Variants in PTPN6 observed in about 807,000 individuals in gnomAD.
PTPN6 encodes tyrosine-protein phosphatase non-receptor type 6.
Under a neutral mutation model 81.5 loss-of-function variants are expected in PTPN6, and 18 were observed. The observed-to-expected ratio is 0.22, with a 90% confidence interval of 0.15 to 0.33. PTPN6 has a LOEUF of 0.33. PTPN6 is among the 10% of genes least tolerant of loss of function. The pLI, the probability that PTPN6 is intolerant of heterozygous loss-of-function variation, is 1.00. For missense variants in PTPN6, 500 were observed against 794.2 expected (o/e 0.63, Z 4.45); for synonymous variants, 301 against 310.9 (o/e 0.97, Z 0.33).
At position 6,956,465 on chromosome 12, in the gene PTPN6, G is replaced by C; in HGVS notation, c.971G>C (p.Ser324Thr). 1 of 1,614,136 alleles carries C rather than the reference G, an allele frequency of 6.2e-7. No individual in the cohort carries two copies. Among genetic ancestry groups the C allele is most frequent in the Non-Finnish European group, 8.5e-7 (1 of 1,180,044 alleles). Residue 324 changes from serine (S) to threonine (T), a missense_variant, in exon 9 of 16, where the codon AGC becomes ACC. Physicochemically the swap from Ser to Thr is moderately conservative, Grantham distance 58 (BLOSUM62 1). This residue lies in a region of PTPN6 where 226 missense variants were observed against 364.4 expected (regional missense o/e 0.62). Transcript: ENST00000318974. The surrounding 1 kb of genome is among the most constrained non-coding windows in gnomAD (Gnocchi z 4.1). ...GAGAACGCTAAGACCTACATCGCCA[G>C]CCAGGGTTGTCTGGAGGCCACGGTC... ...PDENAKTYIASQGCLEATVND... is the reference protein window; with the variant it reads ...PDENAKTYIATQGCLEATVND...
In PTPN6 at chr12:6,954,620, T is replaced by G. The variant is rs781986890; in HGVS notation, c.327-185T>G. Among the ~76,000 whole-genome samples, 11 of 152,236 alleles carry G rather than the reference T, an allele frequency of 7.2e-5. No homozygotes were observed. Among genetic ancestry groups the G allele is most frequent in the Non-Finnish European group, 1.6e-4 (11 of 68,014 alleles). On this transcript the variant is annotated intron_variant, in intron 3 of 15. Coordinates refer to ENST00000318974, the MANE Select transcript of PTPN6 (RefSeq NM_002831.6). This position sits in a 1 kb window ranked among gnomAD's most constrained non-coding sequence, Gnocchi z 5.4. ...AGTTTCCTCATCTATAAAATGGGGG[T>G]AATATCATACCTAGCTCTCAGCATG...
chr12:6,950,259 C>T (rs1211121262), upstream of PTPN6, among the ~76,000 whole-genome samples: 5 of 152,012 alleles, frequency 3.3e-5, no homozygotes, highest in African/African-American at 1.2e-4. Context: ...TCTCCCCCAG[C>T]CCTGTCCTCC....
chr12:6,960,160 C>A lies in PTPN6; in HGVS notation c.1502C>A (p.Thr501Lys). Residue 501 changes from threonine to lysine, a missense_variant, in exon 13 of 16, where the codon ACG becomes AAG. Thr to Lys is a moderately conservative substitution (Grantham distance 78). Around this residue, in one of 6 missense-constraint regions of PTPN6, gnomAD observed 226 missense variants for 364.4 expected, o/e 0.62. Coordinates refer to ENST00000318974, the MANE Select transcript of PTPN6 (RefSeq NM_002831.6). This position sits in a 1 kb window ranked among gnomAD's most constrained non-coding sequence, Gnocchi z 6.1. ...GCGCAGCGCTCGGGCATGGTGCAGA[C>A]GGAGGCGCAGTACAAGTTCATCTAC... is the stretch of plus-strand genomic sequence containing the variant. ...VRAQRSGMVQ[T>K]EAQYKFIYVA... 6.2e-7 allele frequency: 1 copy of A among 1,613,264 alleles called. No individual in the cohort carries two copies. Among genetic ancestry groups the A allele is most frequent in the Non-Finnish European group, 8.5e-7 (1 of 1,179,982 alleles).
chr12:6,961,113 C>G lies in PTPN6; in HGVS notation c.*26-13C>G. The G allele has an allele frequency of 8.9e-7, 1 of 1,117,878 alleles. No homozygotes were observed. Among genetic ancestry groups the G allele is most frequent in the Non-Finnish European group, 1.3e-6 (1 of 788,890 alleles). 69.2% of individuals were successfully genotyped at this position (1,117,878 alleles called of 1,614,324 possible). ...AGCTACCCTCTCACTCCCTCACTCC[C>G]TTCTCTTGGCAGCCTCAGCCCTGAC... On this transcript the variant is annotated splice_polypyrimidine_tract_variant and intron_variant, in intron 15 of 15. Coordinates refer to ENST00000318974, the MANE Select transcript of PTPN6 (RefSeq NM_002831.6).
intron 3 of PTPN6, among the ~76,000 whole-genome samples, chr12:6,953,925 T>TC (rs1465438300): frequency 6.6e-6 from 1 of 152,008 alleles, no homozygotes; most frequent in Non-Finnish European, 1.5e-5. Flanking sequence ...CGCCCTCCCC[T>TC]CGTCCCTGGG....
chr12:6,961,017 G>T (rs1817186385), intron 15 of PTPN6, 72 bp downstream of exon 15: 1 of 1,543,452 alleles, frequency 6.5e-7, no homozygotes, highest in East Asian at 2.5e-5. Context: ...TCCCTGGGTG[G>T]ATGGGGTGGC....
chr12:6,951,874 G>T lies in PTPN6; in HGVS notation c.132-109G>T. ...CCCAACCCCCACACTCCCCATCCCT[G>T]TCTGTGCCCACCCATGCCCATGTGT... On this transcript the variant is annotated intron_variant, in intron 2 of 15. Coordinates refer to ENST00000318974, the MANE Select transcript of PTPN6 (RefSeq NM_002831.6). The surrounding 1 kb of genome is among the most constrained non-coding windows in gnomAD (Gnocchi z 7.2). 1 of 1,555,452 alleles carries T rather than the reference G, an allele frequency of 6.4e-7. No homozygotes were observed. The highest frequency in any genetic ancestry group is 8.8e-7 in the Non-Finnish European group (1 of 1,138,218).
Position 6,957,681 on chromosome 12 carries a change from G to A in PTPN6, c.1102G>A (p.Val368Met), listed in dbSNP as rs781806998. ...RNKCVPYWPE[V>M]GMQRAYGPYS... is the part of the protein sequence containing the mutation. ...CAAATGCGTCCCATACTGGCCCGAG[G>A]TGGGCATGCAGCGTGCTTATGGGCC... The change falls in exon 10 of 16, where the codon GTG becomes ATG. Residue 368 changes from valine to methionine, a missense_variant. Val to Met is a conservative substitution (Grantham distance 21). This residue lies in a region of PTPN6 where 226 missense variants were observed against 364.4 expected (regional missense o/e 0.62). Coordinates refer to ENST00000318974, the MANE Select transcript of PTPN6 (RefSeq NM_002831.6). The surrounding 1 kb of genome is among the most constrained non-coding windows in gnomAD (Gnocchi z 6.5). 2 of 1,613,738 alleles carry A rather than the reference G, an allele frequency of 1.2e-6. No homozygotes were observed. The highest frequency in any genetic ancestry group is 2.7e-5 in the African/African-American group (2 of 74,922).
upstream of PTPN6, among the ~76,000 whole-genome samples, chr12:6,949,460 C>T (rs1402538915): frequency 3.3e-5 from 5 of 152,210 alleles, no homozygotes; most frequent in East Asian, 9.6e-4. Context: ...GGGCACCAGG[C>T]TCCGGCGTCT....
Position 6,960,203 on chromosome 12 carries a change from C to T in PTPN6, c.1545C>T (p.Phe515=), listed in dbSNP as rs1555149483. 3 of 1,608,444 alleles carry T rather than the reference C, an allele frequency of 1.9e-6. No individual in the cohort carries two copies. The South Asian group carries it at 3.3e-5, about 18-fold the overall frequency. The change falls in exon 13 of 16, where the codon TTC becomes TTT. Residue 515 remains phenylalanine, a synonymous_variant. Coordinates refer to ENST00000318974, the MANE Select transcript of PTPN6 (RefSeq NM_002831.6). The surrounding 1 kb of genome is among the most constrained non-coding windows in gnomAD (Gnocchi z 6.1). ...YKFIYVAIAQ[F]IETTKKKLEV... is the part of the protein sequence containing the mutation. ...TCATCTACGTGGCCATCGCCCAGTT[C>T]ATTGAAACCACTAAGAAGAAGCTGG...
At position 6,955,275 on chromosome 12, in the gene PTPN6, G is replaced by T. The variant is rs782425945; in HGVS notation, c.633+8G>T. 2 of 1,613,796 alleles carry T rather than the reference G, an allele frequency of 1.2e-6. No homozygotes were observed. Among genetic ancestry groups the T allele is most frequent in the Non-Finnish European group, 1.7e-6 (2 of 1,179,664 alleles). On this transcript the variant is annotated splice_region_variant and intron_variant, in intron 5 of 15. Transcript: ENST00000318974. This position sits in a 1 kb window ranked among gnomAD's most constrained non-coding sequence, Gnocchi z 7.2. Reference sequence around the variant, plus strand: ...TTTGTCTACCTGCGGCAGGTCAGGGGTGGGCCCAGCTGCCTCCCCACTTCC... The same window carrying T: ...TTTGTCTACCTGCGGCAGGTCAGGGTTGGGCCCAGCTGCCTCCCCACTTCC...
rs181341203 is a variant in PTPN6 at position 6,960,701 on chromosome 12, C to G, written c.1674-105C>G. On this transcript the variant is annotated intron_variant, in intron 14 of 15. Coordinates refer to ENST00000318974, the MANE Select transcript of PTPN6 (RefSeq NM_002831.6). This position sits in a 1 kb window ranked among gnomAD's most constrained non-coding sequence, Gnocchi z 6.1. The stretch of plus-strand genomic sequence containing the variant: ...AGTGCAGGGACCGTGGCTGCGTCAC[C>G]TGTGAGACGGGGTGGCCAGAGGGGA... 3.2e-6 allele frequency: 5 copies of G among 1,551,560 alleles called. No individual in the cohort carries two copies. In the East Asian group the frequency reaches 7.3e-5, roughly 23 times the overall value.
chr12:6,955,483 G>A lies in PTPN6; in HGVS notation c.745G>A (p.Glu249Lys). 7 of 1,613,852 alleles carry A rather than the reference G, an allele frequency of 4.3e-6. No homozygotes were observed. Among genetic ancestry groups the A allele is most frequent in the Non-Finnish European group, 5.9e-6 (7 of 1,179,846 alleles). Reference protein sequence around the residue: ...TAKAGFWEEFESLQKQEVKNL... With the variant: ...TAKAGFWEEFKSLQKQEVKNL... ...CAAGGCTGGCTTCTGGGAGGAGTTT[G>A]AGGTGCATGGTGGGGACCGGCAGGG... Residue 249 changes from glutamate (E) to lysine (K), a missense_variant and splice_region_variant, in exon 6 of 16, where the codon GAG becomes AAG. Glu to Lys is a moderately conservative substitution (Grantham distance 56, BLOSUM62 1). This residue lies in a region of PTPN6 where 96 missense variants were observed against 137.3 expected (regional missense o/e 0.70). Coordinates refer to ENST00000318974, the MANE Select transcript of PTPN6 (RefSeq NM_002831.6). This position sits in a 1 kb window ranked among gnomAD's most constrained non-coding sequence, Gnocchi z 7.2.
upstream of PTPN6, among the ~76,000 whole-genome samples, chr12:6,948,848 G>A (rs1294128451): frequency 2.0e-5 from 3 of 151,878 alleles, no homozygotes; most frequent in Non-Finnish European, 2.9e-5. Flanking sequence ...GGGAGGCTGA[G>A]GCAGGAGAAT....
Position 6,952,538 on chromosome 12 carries a change from G to C in PTPN6, c.326+361G>C. On this transcript the variant is annotated intron_variant, in intron 3 of 15. Transcript: ENST00000318974. This position sits in a 1 kb window ranked among gnomAD's most constrained non-coding sequence, Gnocchi z 8.1. ...AGAAAGCTCTTCTTCCTCTGGAATC[G>C]AGCCTGCCTTCCTCCGTCTGCCCCT... is the stretch of plus-strand genomic sequence containing the variant. 1 of 373,530 alleles carries C rather than the reference G, an allele frequency of 2.7e-6. No individual in the cohort carries two copies. Among genetic ancestry groups the C allele is most frequent in the Non-Finnish European group, 5.1e-6 (1 of 195,680 alleles). The allele number at this position is 373,530 out of a possible 1,614,324, so 23.1% of individuals were successfully genotyped here.
rs1946026855 is a variant in PTPN6, at chr12:6,956,176, C to G, written c.879C>G (p.Asp293Glu). ...DHSRVILQGR[D>E]SNIPGSDYIN... The stretch of plus-strand genomic sequence containing the variant: ...GCCGAGTGATCCTGCAGGGACGGGA[C>G]AGTAACATCCCCGGGTCCGACTACA... The change falls in exon 8 of 16, where the codon GAC becomes GAG. Residue 293 changes from aspartate to glutamate, a missense_variant. Coordinates refer to ENST00000318974, the MANE Select transcript of PTPN6 (RefSeq NM_002831.6). The surrounding 1 kb of genome is among the most constrained non-coding windows in gnomAD (Gnocchi z 4.1). 6.2e-7 allele frequency: 1 copy of G among 1,614,084 alleles called. No individual in the cohort carries two copies. The highest frequency in any genetic ancestry group is 1.1e-5 in the South Asian group (1 of 91,088).
At chr12:6,950,966 G>A (rs1020102550), upstream of PTPN6, among the ~76,000 whole-genome samples, 5 of 152,188 alleles carry the variant, frequency 3.3e-5, no homozygotes, top group East Asian at 5.8e-4. Context: ...ATAGCACAGC[G>A]CCCGGCATCC....
chr12:6,947,864 G>A (rs1945855241), upstream of PTPN6, among the ~76,000 whole-genome samples: 1 of 152,024 alleles, frequency 6.6e-6, no homozygotes, highest in South Asian at 2.1e-4. Flanking sequence ...CTGGGCAGAG[G>A]AGATGGTGAG....
In PTPN6 at chr12:6,957,697, CT is replaced by C; in HGVS notation, c.1120del (p.Tyr374MetfsTer6). On this transcript the variant is annotated frameshift_variant, in exon 10 of 16. Transcript: ENST00000318974. LOFTEE classifies it high-confidence loss of function. This position sits in a 1 kb window ranked among gnomAD's most constrained non-coding sequence, Gnocchi z 6.5. ...PYWPEVGMQR[A>X]YGPYSVTNCG... Reference sequence around the variant, plus strand: ...TGGCCCGAGGTGGGCATGCAGCGTGCTTATGGGCCCTACTCTGTGACCAACT... The same window carrying C: ...TGGCCCGAGGTGGGCATGCAGCGTGCTATGGGCCCTACTCTGTGACCAACT... 1 of 1,557,802 alleles carries C rather than the reference CT, an allele frequency of 6.4e-7. No individual in the cohort carries two copies. The highest frequency in any genetic ancestry group is 8.7e-7 in the Non-Finnish European group (1 of 1,146,234).
Sources: allele counts gnomAD v4.1 joint callset (sites outside exome capture counted in the v4.1 genomes callset), GRCh38; gene constraint gnomAD v4.1.1; regional missense constraint gnomAD v4.1.1; non-coding constraint Gnocchi (gnomAD v3.1); transcripts MANE v1.5; gene names NCBI Gene and HGNC (gene_info 2026-07-23, HGNC 2026-07-21).